Variants in TM4SF19 observed in about 807,000 individuals in gnomAD.
TM4SF19 encodes the protein transmembrane 4 L six family member 19, also known as transmembrane 4 L6 family member 19.
In TM4SF19, 17 loss-of-function variants were observed where a neutral mutation model predicts 21.8. That is an observed-to-expected ratio of 0.78 (90% confidence interval 0.53 to 1.17). TM4SF19 has a LOEUF of 1.17. Ranked by LOEUF, TM4SF19 falls within the 50% of genes most tolerant of loss-of-function variation. The pLI, the probability that TM4SF19 is intolerant of heterozygous loss-of-function variation, is 0.00. For missense variants in TM4SF19, 216 were observed against 252.1 expected (o/e 0.86, Z 0.97); for synonymous variants, 107 against 106.7 (o/e 1.00, Z -0.02).
intron 4 of TM4SF19, 49 bp from the exon 5 acceptor site, chr3:196,324,046 G>A (rs1212027505): frequency 1.3e-6 from 2 of 1,596,580 alleles, no homozygotes; most frequent in Admixed American, 3.6e-5. Context: ...AGTAAGGAAA[G>A]CCAAACAGGC....
chr3:196,331,523 C>T (rs1195483771), intron 1 of TM4SF19, among the ~76,000 whole-genome samples: 1 of 150,588 alleles, frequency 6.6e-6, no homozygotes, highest in Non-Finnish European at 1.5e-5. Context: ...TGCAGTGGCT[C>T]ACGCCTGTAA....
chr3:196,324,227 T>G (rs764441645), intron 4 of TM4SF19, 44 bp downstream of exon 4: 1 of 1,599,484 alleles, frequency 6.3e-7, no homozygotes, highest in Non-Finnish European at 8.5e-7. Flanking sequence ...TCTCTCTCTC[T>G]CTCTCTGTCT....
chr3:196,327,127 A>G lies in TM4SF19; in HGVS notation c.202-95T>C, dbSNP rs751966453. 1.7e-4 allele frequency: 174 copies of G among 1,023,136 alleles called. 1 individual carries two copies. Among genetic ancestry groups the G allele is most frequent in the Middle Eastern group, 9.6e-4 (4 of 4,172 alleles). The allele number at this position is 1,023,136 out of a possible 1,614,324, so 63.4% of individuals were successfully genotyped here. A position where few individuals can be genotyped will look rare whatever the true frequency, so the allele number is the denominator to read the frequency against. On this transcript the variant is annotated intron_variant, in intron 2 of 4. Coordinates refer to ENST00000273695, the MANE Select transcript of TM4SF19 (RefSeq NM_138461.4). ...GCTGTTAGAGTGGCTGGCAGCTCAC[A>G]TGAACGCAGTCCTGTTGACTCTGAC...
At chr3:196,335,506 G>T (rs1250401677) in intron 1 of TM4SF19, among the ~76,000 whole-genome samples, 3 of 145,526 alleles carry the variant, frequency 2.1e-5, no homozygotes, top group African/African-American at 5.1e-5. Flanking sequence ...TGGGAGGGTG[G>T]GGGTAGGAGA....
intron 1 of TM4SF19, among the ~76,000 whole-genome samples, chr3:196,327,901 T>C (rs1371035750): frequency 6.6e-6 from 1 of 152,240 alleles, no homozygotes; most frequent in Admixed American, 6.5e-5. Flanking sequence ...TTTAAAGGTG[T>C]CTTCATGATG....
chr3:196,334,470 T>C (rs958886968), intron 1 of TM4SF19, among the ~76,000 whole-genome samples: 20 of 151,856 alleles, frequency 1.3e-4, no homozygotes, highest in Middle Eastern at 6.8e-3. Context: ...TTTTTTTTTC[T>C]TGAGACAGAG....
intron 1 of TM4SF19, among the ~76,000 whole-genome samples, chr3:196,335,664 C>T (rs1323131417): frequency 6.6e-6 from 1 of 151,754 alleles, no homozygotes; most frequent in African/African-American, 2.4e-5. Context: ...GCTGACAGGC[C>T]ACCGGACTCC....
intron 1 of TM4SF19, among the ~76,000 whole-genome samples, chr3:196,334,273 A>G (rs940587014): frequency 1.1e-4 from 16 of 151,970 alleles, no homozygotes; most frequent in African/African-American, 3.9e-4. Flanking sequence ...CATCTTCAAC[A>G]TATCCTTTTA....
At position 196,329,225 on chromosome 3, in the gene TM4SF19, A is replaced by C. The variant is rs577761793; in HGVS notation, c.-1-1634T>G. The stretch of plus-strand genomic sequence containing the variant: ...CCAAAGTGCTGGGATTACAGGCATG[A>C]GCCACCGCGCCCGGCCAATAAATGA... On this transcript the variant is annotated intron_variant, in intron 1 of 4. Transcript: ENST00000273695. Among the ~76,000 whole-genome samples the C allele has an allele frequency of 8.6e-5, 11 of 127,222 alleles. 2 individuals carry two copies. The highest frequency in any genetic ancestry group is 2.9e-4 in the African/African-American group (11 of 38,002). 83.5% of individuals were successfully genotyped at this position (127,222 alleles called of 152,430 possible).
At chr3:196,324,723 C>CG (rs1332057754) in intron 3 of TM4SF19, 3 of 406,900 alleles carry the variant, frequency 7.4e-6, no homozygotes, top group Non-Finnish European at 1.3e-5. Flanking sequence ...TCTCCCTGAC[C>CG]GTGAGTTCGC....
chr3:196,335,892 G>T (rs1727737792), intron 1 of TM4SF19, among the ~76,000 whole-genome samples: 1 of 151,934 alleles, frequency 6.6e-6, no homozygotes, highest in Admixed American at 6.6e-5. Flanking sequence ...TTAATCCACT[G>T]CCCACCCAGA....
At chr3:196,324,541 GTC>G in intron 3 of TM4SF19, 101 bp from the exon 4 acceptor site, 1 of 1,263,042 alleles carries the variant, frequency 7.9e-7, no homozygotes, top group South Asian at 1.4e-5. Context: ...CAGCTGGGGA[GTC>G]TGTGGGGCGG....
At chr3:196,334,211 C>T (rs528413008) in intron 1 of TM4SF19, among the ~76,000 whole-genome samples, 6 of 152,336 alleles carry the variant, frequency 3.9e-5, no homozygotes, top group African/African-American at 1.4e-4. Flanking sequence ...TGTGCCCTCT[C>T]CAATCCTGCC....
At chr3:196,327,636 G>T in intron 1 of TM4SF19, 45 bp from the exon 2 acceptor site, 1 of 1,529,438 alleles carries the variant, frequency 6.5e-7, no homozygotes. Context: ...GCTGTGGGGG[G>T]ATGGGGAAGG....
chr3:196,336,182 AG>A (rs1170041131), intron 1 of TM4SF19, among the ~76,000 whole-genome samples: 1 of 151,446 alleles, frequency 6.6e-6, no homozygotes, highest in Non-Finnish European at 1.5e-5. Context: ...CTTGTTGCCC[AG>A]GCTGGAGTGC....
intron 3 of TM4SF19, among the ~76,000 whole-genome samples, chr3:196,326,640 C>T (rs1727303064): frequency 6.6e-6 from 1 of 152,134 alleles, no homozygotes; most frequent in Non-Finnish European, 1.5e-5. Context: ...TGTCATAACT[C>T]ATGTCCATAT....
chr3:196,326,900 G>T, intron 3 of TM4SF19, 55 bp downstream of exon 3: 2 of 1,477,780 alleles, frequency 1.4e-6, no homozygotes, highest in South Asian at 2.3e-5. Flanking sequence ...CCTGCCTCTA[G>T]AGTAATAGAG....
intron 1 of TM4SF19, among the ~76,000 whole-genome samples, chr3:196,329,882 T>G (rs1727438679): frequency 8.4e-6 from 1 of 119,014 alleles, no homozygotes; most frequent in Non-Finnish European, 1.8e-5. Context: ...GTTTTGTTTT[T>G]TTTTTTTGAG....
At chr3:196,324,581 C>T in intron 3 of TM4SF19, 141 bp from the exon 4 acceptor site, 1 of 751,524 alleles carries the variant, frequency 1.3e-6, no homozygotes, top group South Asian at 1.8e-5. Context: ...TCTCTGGTCT[C>T]AGTGTTCTTC....
Sources: gnomAD v4.1 joint callset for allele counts (sites outside exome capture counted in the v4.1 genomes callset) on GRCh38, gnomAD v4.1.1 for gene constraint, MANE v1.5 for transcripts, NCBI Gene and HGNC (gene_info 2026-07-23, HGNC 2026-07-21) for gene names.